The following RASGRP3 variants were observed in gnomAD, a reference collection of about 807,000 sequenced individuals.
The protein encoded by RASGRP3 is ras guanyl-releasing protein 3.
Under a neutral mutation model 82.7 loss-of-function variants are expected in RASGRP3, and 54 were observed. The observed-to-expected ratio is 0.65, with a 90% CI of 0.52 to 0.82. The LOEUF is 0.82. RASGRP3 is among the 40% of genes least tolerant of loss of function. The pLI is 0.00. For missense variants in RASGRP3, 861 were observed against 828.9 expected (o/e 1.04, Z -0.48); for synonymous variants, 309 against 300.5 (o/e 1.03, Z -0.29).
At chr2:33,493,592 T>C (rs13408511) in intron 1 of RASGRP3, among the ~76,000 whole-genome samples, 3,793 of 128,430 alleles carry the variant, frequency 0.03, 169 homozygotes, top group African/African-American at 0.11. Context: ...CCAAGACCCA[T>C]TTAGAGTTCC....
intron 1 of RASGRP3, among the ~76,000 whole-genome samples, chr2:33,484,955 T>A (rs1321238241): frequency 6.6e-6 from 1 of 152,122 alleles, no homozygotes; most frequent in Non-Finnish European, 1.5e-5. Context: ...TCCCAGCACT[T>A]TGGGAGGCTG....
In RASGRP3 at chr2:33,564,633, T is replaced by TTTGAG. The variant is rs1677046503; in HGVS notation, c.*1899_*1903dup. ...TTATTCACTTGCCACTTTGGTTATT[T>TTTGAG]TTGAGTTTTCGTACATAGGAAGTTT... On this transcript the variant is annotated 3_prime_UTR_variant, in exon 18 of 18. Coordinates refer to ENST00000403687, the MANE Select transcript of RASGRP3 (RefSeq NM_001139488.2). The TTTGAG allele has an allele frequency of 6.6e-6, 1 of 152,352 alleles. No homozygotes were observed. Among genetic ancestry groups the TTTGAG allele is most frequent in the South Asian group, 2.1e-4 (1 of 4,830 alleles). 9.4% of individuals were successfully genotyped at this position (152,352 alleles called of 1,614,324 possible). A position where few individuals can be genotyped will look rare whatever the true frequency, so the allele number is the denominator to read the frequency against.
intron 1 of RASGRP3, among the ~76,000 whole-genome samples, chr2:33,479,533 T>C (rs1255742049): frequency 1.3e-5 from 2 of 152,140 alleles, no homozygotes; most frequent in African/African-American, 2.4e-5. Flanking sequence ...ATAGAAACCA[T>C]GCACTCTGCC....
chr2:33,558,969 A>C lies in RASGRP3; in HGVS notation c.2003A>C (p.Asp668Ala), dbSNP rs1485532851. The change falls in exon 17 of 18, where the codon GAC becomes GCC. Residue 668 changes from aspartate (D) to alanine (A), a missense_variant. By Grantham distance (126) the Asp-to-Ala change is moderately radical (BLOSUM62 -2). Coordinates refer to ENST00000403687, the MANE Select transcript of RASGRP3 (RefSeq NM_001139488.2). The part of the protein sequence containing the change: ...PRVHAGVDVV[D>A]RGTEFELDQD... Reference sequence around the variant, plus strand: ...GTGCATGCTGGTGTGGATGTTGTAGACCGGGGCACGGAGTTTGAACTTGAC... The same window carrying C: ...GTGCATGCTGGTGTGGATGTTGTAGCCCGGGGCACGGAGTTTGAACTTGAC... The C allele has an allele frequency of 6.2e-7, 1 of 1,613,856 alleles. No homozygotes were observed. The highest frequency in any genetic ancestry group is 1.7e-5 in the Admixed American group (1 of 59,996).
intron 1 of RASGRP3, among the ~76,000 whole-genome samples, chr2:33,441,402 C>A (rs1665219032): frequency 6.6e-6 from 1 of 152,194 alleles, no homozygotes; most frequent in Non-Finnish European, 1.5e-5. Flanking sequence ...TGTCAACCTC[C>A]TCTCCTTGTC....
chr2:33,561,081 C>A (rs1214689981), intron 17 of RASGRP3, among the ~76,000 whole-genome samples: 3 of 127,460 alleles, frequency 2.4e-5, no homozygotes, highest in Non-Finnish European at 5.1e-5. Flanking sequence ...TTTTTTTTTT[C>A]TTTGAGACGG....
chr2:33,471,237 G>A (rs1050601115), intron 2 of RASGRP3, among the ~76,000 whole-genome samples: 4 of 151,884 alleles, frequency 2.6e-5, no homozygotes, highest in African/African-American at 7.3e-5. Context: ...GTGCAGTGGT[G>A]TGATCATACC....
chr2:33,528,746 C>T (rs1672814396), intron 10 of RASGRP3, among the ~76,000 whole-genome samples: 1 of 152,092 alleles, frequency 6.6e-6, no homozygotes, highest in African/African-American at 2.4e-5. Flanking sequence ...GCAGCTATAC[C>T]CTTCAAATAA....
chr2:33,505,313 T>C (rs1262931424), intron 1 of RASGRP3, among the ~76,000 whole-genome samples: 1 of 151,928 alleles, frequency 6.6e-6, no homozygotes, highest in African/African-American at 2.4e-5. Context: ...TTTTTTTTTT[T>C]TTCTTTGAGA....
intron 1 of RASGRP3, among the ~76,000 whole-genome samples, chr2:33,441,494 T>C (rs1286300778): frequency 6.6e-6 from 1 of 152,238 alleles, no homozygotes; most frequent in Non-Finnish European, 1.5e-5. Flanking sequence ...GCAAGCTCTT[T>C]AGGAATCTCT....
At chr2:33,554,412 C>A (rs918594029) in intron 14 of RASGRP3, among the ~76,000 whole-genome samples, 1 of 152,180 alleles carries the variant, frequency 6.6e-6, no homozygotes, top group Non-Finnish European at 1.5e-5. Context: ...ATACTGTATG[C>A]CTCTGGTGAA....
In RASGRP3 at chr2:33,558,937, G is replaced by T. The variant is rs757739271; in HGVS notation, c.1971G>T (p.Lys657Asn). Residue 657 changes from lysine to asparagine, a missense_variant, in exon 17 of 18, where the codon AAG becomes AAT. Lys to Asn is a moderately conservative substitution (Grantham distance 94, BLOSUM62 0). Transcript: ENST00000403687. ...DKGFAKWENE[K>N]PRVHAGVDVV... ...GCTTTGCCAAATGGGAAAATGAGAA[G>T]CCCAGGGTGCATGCTGGTGTGGATG... 7 of 1,614,008 alleles carry T rather than the reference G, an allele frequency of 4.3e-6. No individual in the cohort carries two copies. The Admixed American group carries it at 1.2e-4, about 27-fold the overall frequency.
intron 1 of RASGRP3, among the ~76,000 whole-genome samples, chr2:33,436,882 C>T (rs1664952387): frequency 6.6e-6 from 1 of 152,054 alleles, no homozygotes; most frequent in African/African-American, 2.4e-5. Context: ...TGATGATCAC[C>T]TTTAAAAATA....
chr2:33,527,007 C>T, intron 9 of RASGRP3, 130 bp from the exon 10 acceptor site: 1 of 954,942 alleles, frequency 1.0e-6, no homozygotes. Flanking sequence ...TTCATATTTC[C>T]CTGCAGCAAC....
At chr2:33,547,151 A>C (rs905792532) in intron 13 of RASGRP3, among the ~76,000 whole-genome samples, 2 of 151,770 alleles carry the variant, frequency 1.3e-5, no homozygotes, top group African/African-American at 4.8e-5. Context: ...AAACTAACGC[A>C]GGAACAGAAA....
At chr2:33,558,539 G>C (rs944720047) in intron 16 of RASGRP3, 133 bp from the exon 17 acceptor site, 3 of 1,112,106 alleles carry the variant, frequency 2.7e-6, no homozygotes, top group Non-Finnish European at 3.8e-6. Flanking sequence ...ACTTGCCTGC[G>C]GCTAATTGAG....
At chr2:33,505,291 C>T (rs10198554) in intron 1 of RASGRP3, among the ~76,000 whole-genome samples, 5,695 of 151,024 alleles carry the variant, frequency 0.038, 360 homozygotes, top group African/African-American at 0.13. Flanking sequence ...ATTAGGACCG[C>T]AGACAGGATT....
At chr2:33,507,434 A>C (rs1195624598) in intron 1 of RASGRP3, among the ~76,000 whole-genome samples, 2 of 152,180 alleles carry the variant, frequency 1.3e-5, no homozygotes, top group African/African-American at 2.4e-5. Flanking sequence ...GCAGAGATGC[A>C]GAAAGCCTAG....
intron 17 of RASGRP3, 112 bp downstream of exon 17, chr2:33,559,142 T>C (rs907024838): frequency 2.3e-6 from 2 of 888,850 alleles, no homozygotes; most frequent in East Asian, 2.7e-5. Context: ...AGCAGAATGG[T>C]TGGGAATGAA....
Sources: allele counts gnomAD v4.1 joint callset (sites outside exome capture counted in the v4.1 genomes callset), GRCh38; gene constraint gnomAD v4.1.1; transcripts MANE v1.5; gene names NCBI Gene and HGNC (gene_info 2026-07-23, HGNC 2026-07-21).